Variants in TBC1D12 observed in about 807,000 individuals in gnomAD.
The protein encoded by TBC1D12 is TBC1 domain family, member 12.
A neutral mutation model predicts 86.7 loss-of-function variants in TBC1D12; 56 were observed. The ratio of observed to expected loss-of-function variants is 0.65; its 90% CI spans 0.52 to 0.81. The LOEUF (loss-of-function observed/expected upper bound fraction) is 0.81, where lower values mean the gene tolerates loss of function less well. Ranked by LOEUF, TBC1D12 falls within the 30% of genes least tolerant of loss-of-function variation. TBC1D12 has a pLI of 0.00. For synonymous variants in TBC1D12, 421 were observed against 411.7 expected, an observed-to-expected ratio of 1.02 and a Z score of -0.27; for missense variants, 1,023 against 1,038.8, an observed-to-expected ratio of 0.98 and a Z score of 0.21.
intron 2 of TBC1D12, among the ~76,000 whole-genome samples, chr10:94,443,333 T>G (rs2055408247): frequency 6.6e-6 from 1 of 152,244 alleles, no homozygotes; most frequent in East Asian, 1.9e-4. Flanking sequence ...TCAAGAGACT[T>G]GGTATTGCTA....
At chr10:94,436,770 C>G (rs1210508663) in intron 1 of TBC1D12, among the ~76,000 whole-genome samples, 3 of 150,000 alleles carry the variant, frequency 2.0e-5, no homozygotes, top group Admixed American at 2.0e-4. Context: ...GTCAAAATTG[C>G]TTTTTTTAAA....
At chr10:94,515,586 C>A (rs912980292) in intron 9 of TBC1D12, among the ~76,000 whole-genome samples, 1 of 149,292 alleles carries the variant, frequency 6.7e-6, no homozygotes, top group Non-Finnish European at 1.5e-5. Context: ...TGACCTCAGG[C>A]GATCCACCCG....
At chr10:94,433,196 T>C (rs1158286845) in intron 1 of TBC1D12, among the ~76,000 whole-genome samples, 2 of 151,946 alleles carry the variant, frequency 1.3e-5, no homozygotes, top group African/African-American at 4.8e-5. Context: ...CAAGACTTCG[T>C]CTCGGAAACC....
intron 1 of TBC1D12, among the ~76,000 whole-genome samples, chr10:94,424,602 G>A (rs539839021): frequency 8.7e-4 from 133 of 152,334 alleles, no homozygotes; most frequent in African/African-American, 2.5e-3. Flanking sequence ...GGGAGCATGA[G>A]ATGGAGTGTT....
chr10:94,443,984 A>G (rs998520306), intron 2 of TBC1D12, among the ~76,000 whole-genome samples: 1 of 152,134 alleles, frequency 6.6e-6, no homozygotes, highest in Admixed American at 6.5e-5. Flanking sequence ...AGCTTGGCCA[A>G]CATGGTGAAA....
chr10:94,510,347 A>G (rs1293288097), intron 8 of TBC1D12, among the ~76,000 whole-genome samples, 168 bp downstream of exon 8: 2 of 152,340 alleles, frequency 1.3e-5, no homozygotes, highest in East Asian at 3.9e-4. Flanking sequence ...AGGAATTTCT[A>G]TTATTTTATT....
chr10:94,506,100 G>A (rs567466867), intron 6 of TBC1D12, among the ~76,000 whole-genome samples: 3 of 151,188 alleles, frequency 2.0e-5, no homozygotes, highest in Non-Finnish European at 2.9e-5. Context: ...GCAGTGGTGC[G>A]ATCTCTGCTC....
intron 1 of TBC1D12, among the ~76,000 whole-genome samples, chr10:94,438,697 C>T (rs1198078833): frequency 6.6e-6 from 1 of 152,006 alleles, no homozygotes; most frequent in African/African-American, 2.4e-5. Flanking sequence ...TATGAAAGAT[C>T]GGTAGCCTCT....
At chr10:94,494,895 C>T (rs2056295091) in intron 4 of TBC1D12, among the ~76,000 whole-genome samples, 1 of 151,780 alleles carries the variant, frequency 6.6e-6, no homozygotes, top group African/African-American at 2.4e-5. Flanking sequence ...CGGGGTCGCA[C>T]TTGTTACCTA....
At position 94,430,164 on chromosome 10, in the gene TBC1D12, A is replaced by G. The variant is rs918864909; in HGVS notation, c.972-11732A>G. On this transcript the variant is annotated intron_variant, in intron 1 of 12. Transcript: ENST00000225235. The stretch of plus-strand genomic sequence containing the variant: ...CAGCCGCCTGAGTAGCCAAGACTAC[A>G]TGTGTGTGCCCAGTGTTGAATCCCC... Among the ~76,000 whole-genome samples, 6 of 152,236 alleles carry G rather than the reference A, an allele frequency of 3.9e-5. No individual in the cohort carries two copies. In the South Asian group the frequency reaches 1.0e-3, roughly 26 times the overall value.
At chr10:94,490,323 A>G (rs1437358830) in intron 3 of TBC1D12, among the ~76,000 whole-genome samples, 2 of 152,214 alleles carry the variant, frequency 1.3e-5, no homozygotes, top group Non-Finnish European at 1.5e-5. Flanking sequence ...CAATGAGCAC[A>G]TTGTTAGAAA....
chr10:94,408,060 CT>C (rs1163146502), intron 1 of TBC1D12, among the ~76,000 whole-genome samples: 1 of 152,040 alleles, frequency 6.6e-6, no homozygotes, highest in Non-Finnish European at 1.5e-5. Flanking sequence ...TAGATAGACT[CT>C]TTCATAGTTT....
chr10:94,525,790 A>T (rs1401576015), intron 11 of TBC1D12, among the ~76,000 whole-genome samples: 1 of 151,628 alleles, frequency 6.6e-6, no homozygotes, highest in African/African-American at 2.4e-5. Flanking sequence ...TTTTCTTTTC[A>T]CTCTTTTGAA....
chr10:94,503,705 G>A (rs2134194689), intron 6 of TBC1D12, among the ~76,000 whole-genome samples: 2 of 152,228 alleles, frequency 1.3e-5, no homozygotes, highest in Middle Eastern at 6.8e-3. Flanking sequence ...GCTCACTGCA[G>A]CCCCTGCCTC....
chr10:94,449,053 A>C (rs1451017733), intron 2 of TBC1D12, among the ~76,000 whole-genome samples: 1 of 152,344 alleles, frequency 6.6e-6, no homozygotes, highest in East Asian at 1.9e-4. Flanking sequence ...GAGAAGCCTA[A>C]ATTATTAAAG....
At position 94,521,963 on chromosome 10, in the gene TBC1D12, G is replaced by A; in HGVS notation, c.1770G>A (p.Gly590=). ...TTTTTCTCCCTTTGAAGGTCCAAGG[G>A]ATGTCCTTCATTGCAGCAGTACTCA... The part of the protein sequence containing the change: ...CYRPDVGYVQ[G]MSFIAAVLIL... Residue 590 remains glycine, a synonymous_variant, in exon 10 of 13, where the codon GGG becomes GGA. Coordinates refer to ENST00000225235, the MANE Select transcript of TBC1D12 (RefSeq NM_015188.2). 1 of 1,602,822 alleles carries A rather than the reference G, an allele frequency of 6.2e-7. No individual in the cohort carries two copies. Among genetic ancestry groups the A allele is most frequent in the Non-Finnish European group, 8.5e-7 (1 of 1,172,516 alleles).
At chr10:94,507,881 G>A (rs1306590713) in intron 7 of TBC1D12, among the ~76,000 whole-genome samples, 3 of 152,122 alleles carry the variant, frequency 2.0e-5, no homozygotes, top group Non-Finnish European at 4.4e-5. Context: ...AGCTACTTGG[G>A]AGGCTGAGGC....
intron 5 of TBC1D12, 145 bp downstream of exon 5, chr10:94,497,317 C>A (rs1315545543): frequency 1.1e-5 from 4 of 357,166 alleles, no homozygotes; most frequent in Non-Finnish European, 2.0e-5. Context: ...TATACATGTG[C>A]CATGCTGGTG....
chr10:94,514,314 G>T (rs1240591173), intron 9 of TBC1D12, among the ~76,000 whole-genome samples: 1 of 152,164 alleles, frequency 6.6e-6, no homozygotes, highest in Non-Finnish European at 1.5e-5. Flanking sequence ...TCTTGAAGCT[G>T]TAGTAAGCCG....
Sources: gnomAD v4.1 joint callset for allele counts (sites outside exome capture counted in the v4.1 genomes callset) on GRCh38, gnomAD v4.1.1 for gene constraint, MANE v1.5 for transcripts, NCBI Gene and HGNC (gene_info 2026-07-23, HGNC 2026-07-21) for gene names.